Variants in TRIO observed in about 807,000 individuals in gnomAD.
The protein encoded by TRIO is triple functional domain protein.
Under a neutral mutation model 351.9 loss-of-function variants are expected in TRIO, and 58 were observed. That is an observed-to-expected ratio of 0.16 (90% CI 0.13 to 0.21). The LOEUF is 0.21. Among genes scored for constraint, TRIO ranks in the 10% least tolerant of loss-of-function variants. The probability of loss-of-function intolerance (pLI) is 1.00; values close to 1 mark genes in which losing one functional copy is unlikely to be tolerated. For synonymous variants in TRIO, 1,758 were observed against 1,595.7 expected (o/e 1.10, Z -2.42); for missense variants, 3,201 against 4,027.8 (o/e 0.79, Z 5.56).
Position 14,419,970 on chromosome 5 carries a change from A to G in TRIO, c.5152A>G (p.Ile1718Val). 6.2e-7 allele frequency: 1 copy of G among 1,614,248 alleles called. No individual in the cohort carries two copies. Among genetic ancestry groups the G allele is most frequent in the Non-Finnish European group, 8.5e-7 (1 of 1,180,034 alleles). The change falls in exon 34 of 57, where the codon ATC becomes GTC. Residue 1718 changes from isoleucine to valine, a missense_variant. Ile to Val is a conservative substitution (Grantham distance 29). Transcript: ENST00000344204. ...CCTGGTCCCCTGTGGTTCACTGTGCATCGCCCACTCCAGAAGTAGCATGGA... is the reference window on the plus strand; with the variant it reads ...CCTGGTCCCCTGTGGTTCACTGTGCGTCGCCCACTCCAGAAGTAGCATGGA... The part of the protein sequence containing the change: ...EGLVPCGSLC[I>V]AHSRSSMEME...
In TRIO at chr5:14,465,564, T is replaced by C. The variant is rs1579737226; in HGVS notation, c.5687T>C (p.Val1896Ala). The C allele has an allele frequency of 6.2e-7, 1 of 1,614,020 alleles. No individual in the cohort carries two copies. The highest frequency in any genetic ancestry group is 2.2e-5 in the East Asian group (1 of 44,878). Residue 1896 changes from valine to alanine, a missense_variant, in exon 37 of 57, where the codon GTC becomes GCC. Physicochemically the swap from Val to Ala is moderately conservative, Grantham distance 64. Around this residue, in one of 19 missense-constraint regions of TRIO, gnomAD observed 307 missense variants for 396.5 expected, o/e 0.77. Coordinates refer to ENST00000344204, the MANE Select transcript of TRIO (RefSeq NM_007118.4). ...CTGTAGGCCTCTTCTCGGTTATTAG[T>C]CCGCCCCACCAGCTCCGAAACACCG... ...QDDKASSRLL[V>A]RPTSSETPSA...
chr5:14,406,581 A>T lies in TRIO; in HGVS notation c.4868A>T (p.Glu1623Val). ...ATRQKGRRDG[E>V]DLDSQGDGSS... is the part of the protein sequence containing the mutation. The stretch of plus-strand genomic sequence containing the variant: ...TTTCTTTGCACCGCCAGGGATGGAG[A>T]GGATCTGGACAGCCAAGGAGACGGC... Residue 1623 changes from glutamate to valine, a missense_variant, in exon 33 of 57, where the codon GAG becomes GTG. Coordinates refer to ENST00000344204, the MANE Select transcript of TRIO (RefSeq NM_007118.4). 1.2e-6 allele frequency: 2 copies of T among 1,614,040 alleles called. No individual in the cohort carries two copies. Among genetic ancestry groups the T allele is most frequent in the Non-Finnish European group, 1.7e-6 (2 of 1,179,952 alleles).
At chr5:14,265,380 A>G (rs1431574282) in intron 1 of TRIO, among the ~76,000 whole-genome samples, 1 of 34,902 alleles carries the variant, frequency 2.9e-5, no homozygotes, top group Non-Finnish European at 5.4e-5. Context: ...GATTACTAGT[A>G]TCTGCCAGTG....
chr5:14,164,262 G>T (rs966760618), intron 1 of TRIO, among the ~76,000 whole-genome samples: 2 of 152,198 alleles, frequency 1.3e-5, no homozygotes, highest in Admixed American at 1.3e-4. Context: ...CTTATCAGAA[G>T]GGCTTAGAGC....
intron 1 of TRIO, among the ~76,000 whole-genome samples, chr5:14,169,277 C>G (rs1481734037): frequency 6.6e-6 from 1 of 150,642 alleles, no homozygotes; most frequent in Non-Finnish European, 1.5e-5. Flanking sequence ...CTTCCTCATA[C>G]AGTTTTCTTC....
chr5:14,251,295 T>C (rs6554849), intron 1 of TRIO, among the ~76,000 whole-genome samples: 51,354 of 152,182 alleles, frequency 0.34, 10,098 homozygotes, highest in African/African-American at 0.55. Flanking sequence ...CCCAGGCTTC[T>C]GGCCCTATGC....
intron 48 of TRIO, 191 bp from the exon 49 acceptor site, chr5:14,492,376 T>G: frequency 1.4e-6 from 1 of 706,894 alleles, no homozygotes; most frequent in Non-Finnish European, 2.3e-6. Flanking sequence ...GAAATTACAT[T>G]TTCAGTTATT....
At chr5:14,419,077 C>T (rs992685872) in intron 33 of TRIO, among the ~76,000 whole-genome samples, 1 of 151,974 alleles carries the variant, frequency 6.6e-6, no homozygotes, top group Admixed American at 6.6e-5. Context: ...GGGAAAGGAA[C>T]GTCAGGCTGG....
At position 14,155,118 on chromosome 5, in the gene TRIO, C is replaced by T. The variant is rs79448320; in HGVS notation, c.157+11236C>T. 5.5e-3 allele frequency among the ~76,000 whole-genome samples: 844 copies of T among 152,194 alleles called. 3 individuals are homozygous for T. The highest frequency in any genetic ancestry group is 0.01 in the Non-Finnish European group (680 of 67,998). Reference sequence around the variant, plus strand: ...TTGTGGATTACATCTAAAGTTATTTCGGGGTGGGGGTAAACTTACTTTGAG... The same window carrying T: ...TTGTGGATTACATCTAAAGTTATTTTGGGGTGGGGGTAAACTTACTTTGAG... On this transcript the variant is annotated intron_variant, in intron 1 of 56. Coordinates refer to ENST00000344204, the MANE Select transcript of TRIO (RefSeq NM_007118.4).
intron 29 of TRIO, among the ~76,000 whole-genome samples, chr5:14,397,748 G>A (rs1386612470): frequency 6.6e-6 from 1 of 152,146 alleles, no homozygotes; most frequent in Non-Finnish European, 1.5e-5. Context: ...TTGCTAGCCT[G>A]TGTCTTTATG....
intron 6 of TRIO, among the ~76,000 whole-genome samples, chr5:14,294,563 C>G (rs1372479862): frequency 6.6e-6 from 1 of 152,176 alleles, no homozygotes; most frequent in African/African-American, 2.4e-5. Flanking sequence ...AATATATTCT[C>G]TCTTCCCCCT....
At chr5:14,467,279 T>C (rs980382126) in intron 37 of TRIO, among the ~76,000 whole-genome samples, 1 of 152,226 alleles carries the variant, frequency 6.6e-6, no homozygotes, top group Non-Finnish European at 1.5e-5. Flanking sequence ...GGGCATTAAC[T>C]AGGTACCAGA....
chr5:14,220,063 T>A (rs1383143955), intron 1 of TRIO, among the ~76,000 whole-genome samples: 1 of 150,160 alleles, frequency 6.7e-6, no homozygotes, highest in Non-Finnish European at 1.5e-5. Flanking sequence ...TTTTTTTTTT[T>A]TAAAAACAAA....
intron 53 of TRIO, 86 bp from the exon 54 acceptor site, chr5:14,502,493 C>T (rs1757366412): frequency 2.2e-6 from 3 of 1,386,748 alleles, no homozygotes; most frequent in Non-Finnish European, 3.1e-6. Flanking sequence ...CGCGCAGCTG[C>T]TGTGAGGGAC....
intron 1 of TRIO, among the ~76,000 whole-genome samples, chr5:14,182,877 C>G (rs1337036231): frequency 5.0e-5 from 7 of 140,756 alleles, no homozygotes; most frequent in African/African-American, 1.8e-4. Flanking sequence ...CCCCCCTCCA[C>G]TTTGCCGTGC....
At chr5:14,381,837 T>C (rs898393366) in intron 21 of TRIO, among the ~76,000 whole-genome samples, 2 of 152,202 alleles carry the variant, frequency 1.3e-5, no homozygotes, top group Non-Finnish European at 1.5e-5. Context: ...AATTATGAAA[T>C]CGAATTATCT....
intron 28 of TRIO, among the ~76,000 whole-genome samples, chr5:14,395,211 T>C (rs1747456242): frequency 6.6e-6 from 1 of 152,230 alleles, no homozygotes. Flanking sequence ...ATTTTTCAAT[T>C]GGAAAAGCTC....
At chr5:14,505,844 C>T (rs943296359) in intron 55 of TRIO, among the ~76,000 whole-genome samples, 1 of 152,206 alleles carries the variant, frequency 6.6e-6, no homozygotes, top group Non-Finnish European at 1.5e-5. Context: ...GAATAGAAAA[C>T]ACATCTCATG....
At position 14,497,068 on chromosome 5, in the gene TRIO, G is replaced by A; in HGVS notation, c.8019+51G>A. ...CGTGTCATCCCAGCATGAGAGAAAG[G>A]ATCAGGGAGGGCAGAGACTCTGCAG... On this transcript the variant is annotated intron_variant, in intron 50 of 56. Coordinates refer to ENST00000344204, the MANE Select transcript of TRIO (RefSeq NM_007118.4). The surrounding 1 kb of genome is among the most constrained non-coding windows in gnomAD (Gnocchi z 4.4). 1 of 1,602,944 alleles carries A rather than the reference G, an allele frequency of 6.2e-7. No homozygotes were observed. Among genetic ancestry groups the A allele is most frequent in the Non-Finnish European group, 8.5e-7 (1 of 1,173,910 alleles).
Sources: allele counts gnomAD v4.1 joint callset (sites outside exome capture counted in the v4.1 genomes callset), GRCh38; gene constraint gnomAD v4.1.1; regional missense constraint gnomAD v4.1.1; non-coding constraint Gnocchi (gnomAD v3.1); transcripts MANE v1.5; gene names NCBI Gene and HGNC (gene_info 2026-07-23, HGNC 2026-07-21).